PCDH15: variants seen among roughly 807,000 people sequenced by gnomAD.
The protein encoded by PCDH15 is protocadherin-15.
Under a neutral mutation model 178.5 loss-of-function variants are expected in PCDH15, and 129 were observed. The ratio of observed to expected loss-of-function variants is 0.72; its 90% CI spans 0.63 to 0.84. PCDH15 has a LOEUF of 0.84. Among genes scored for constraint, PCDH15 ranks in the 40% least tolerant of loss-of-function variants. The pLI, the probability that PCDH15 is intolerant of heterozygous loss-of-function variation, is 0.00. For synonymous variants in PCDH15, 800 were observed against 732.0 expected (o/e 1.09, Z -1.50); for missense variants, 2,230 against 2,099.9 (o/e 1.06, Z -1.21).
intron 1 of PCDH15, among the ~76,000 whole-genome samples, chr10:55,276,288 G>A (rs564686785): frequency 1.3e-5 from 2 of 150,078 alleles, no homozygotes; most frequent in African/African-American, 4.9e-5. Flanking sequence ...GATTTGTTTT[G>A]GATTATAAAG....
Position 53,806,759 on chromosome 10 carries a change from G to A in PCDH15, c.5043C>T (p.Asp1681=). 6.2e-7 allele frequency: 1 copy of A among 1,613,734 alleles called. No homozygotes were observed. Among genetic ancestry groups the A allele is most frequent in the Non-Finnish European group, 8.5e-7 (1 of 1,179,796 alleles). ...VTFAPCPVGT[D]NTAVKPLRNR... ...TCCTTAGTGGCTTCACCGCTGTATTGTCAGTCCCCACAGGGCAAGGGGCAA... is the reference window on the plus strand; with the variant it reads ...TCCTTAGTGGCTTCACCGCTGTATTATCAGTCCCCACAGGGCAAGGGGCAA... The change falls in exon 38 of 38, where the codon GAC becomes GAT. Residue 1681 remains aspartate, a synonymous_variant. Coordinates refer to ENST00000644397, the MANE Select transcript of PCDH15 (RefSeq NM_001384140.1).
chr10:54,655,448 T>G (rs970000577), intron 2 of PCDH15: 15 of 151,702 alleles, frequency 9.9e-5, no homozygotes, highest in Non-Finnish European at 2.1e-4. Flanking sequence ...TGTGTGTGTG[T>G]GTGTGTGTGT....
intron 2 of PCDH15, among the ~76,000 whole-genome samples, chr10:55,431,110 G>A (rs1251462192): frequency 6.6e-6 from 1 of 152,118 alleles, no homozygotes; most frequent in Non-Finnish European, 1.5e-5. Context: ...TCAATTTGGT[G>A]AGAATTCTAG....
chr10:54,180,872 C>G (rs774106313), intron 13 of PCDH15, among the ~76,000 whole-genome samples: 1 of 152,070 alleles, frequency 6.6e-6, no homozygotes, highest in Non-Finnish European at 1.5e-5. Flanking sequence ...CTGCATAGTT[C>G]AGGAAAATAT....
At chr10:53,842,178 G>T (rs1235538658) in intron 28 of PCDH15, among the ~76,000 whole-genome samples, 4 of 152,096 alleles carry the variant, frequency 2.6e-5, no homozygotes, top group Admixed American at 2.0e-4. Context: ...CAGATGTCTG[G>T]CTGGCTTCAA....
rs138546947 is a variant in PCDH15, at chr10:55,238,034, T to C, written c.-155-71383A>G. ...GAATTTAAATACACAACCTGCAGTG[T>C]GTTAAACTGATAAACACTTAAAAAT... On this transcript the variant is annotated intron_variant, in intron 1 of 5. Transcript: ENST00000458638. 1.8e-3 allele frequency among the ~76,000 whole-genome samples: 275 copies of C among 152,214 alleles called. 1 individual carries two copies. The highest frequency in any genetic ancestry group is 6.1e-3 in the African/African-American group (255 of 41,560).
chr10:54,904,883 T>TA lies in PCDH15; in HGVS notation c.-79-7384dup, dbSNP rs1013515918. 1.7e-4 allele frequency among the ~76,000 whole-genome samples: 22 copies of TA among 130,604 alleles called. 4 individuals are homozygous for TA. The highest frequency in any genetic ancestry group is 3.0e-4 in the Non-Finnish European group (17 of 56,680). 85.7% of individuals were successfully genotyped at this position (130,604 alleles called of 152,430 possible). A position where few individuals can be genotyped will look rare whatever the true frequency, so the allele number is the denominator to read the frequency against. The stretch of plus-strand genomic sequence containing the variant: ...AAAAGGGAAGAAGGTGGGTATAAAT[T>TA]AAAAAAAACAAAAAGGACAAAGATA... On this transcript the variant is annotated intron_variant, in intron 2 of 5. Coordinates refer to the PCDH15 transcript ENST00000458638.
intron 21 of PCDH15, among the ~76,000 whole-genome samples, chr10:53,988,147 C>G (rs1398916766): frequency 6.6e-6 from 1 of 152,182 alleles, no homozygotes; most frequent in Non-Finnish European, 1.5e-5. Context: ...TGCGGCAACT[C>G]AATACCTATC....
chr10:55,212,428 T>G (rs539825986), intron 1 of PCDH15, among the ~76,000 whole-genome samples: 1 of 152,134 alleles, frequency 6.6e-6, no homozygotes, highest in South Asian at 2.1e-4. Context: ...CTTCCACTCT[T>G]AACCTCCCTC....
intron 3 of PCDH15, among the ~76,000 whole-genome samples, chr10:54,824,700 C>G (rs1484859810): frequency 6.6e-6 from 1 of 152,038 alleles, no homozygotes; most frequent in Non-Finnish European, 1.5e-5. Context: ...TATTTGTTTC[C>G]ATGGAAGACA....
intron 1 of PCDH15, among the ~76,000 whole-genome samples, chr10:55,313,547 A>C (rs1338104327): frequency 1.3e-5 from 2 of 152,174 alleles, no homozygotes; most frequent in Non-Finnish European, 2.9e-5. Context: ...TTTAAAGTTG[A>C]CCCATTGCTT....
At chr10:54,990,860 A>G (rs1316827) in intron 2 of PCDH15, among the ~76,000 whole-genome samples, 55,476 of 151,920 alleles carry the variant, frequency 0.37, 12,322 homozygotes, top group African/African-American at 0.62. Flanking sequence ...GGATAATAAT[A>G]CTGTTTTAGT....
At chr10:54,135,202 C>CAA (rs11299964) in intron 14 of PCDH15, among the ~76,000 whole-genome samples, 2 of 118,108 alleles carry the variant, frequency 1.7e-5, no homozygotes, top group Admixed American at 9.2e-5. Context: ...GACTCTGTCT[C>CAA]AAAAAAAAAA....
intron 3 of PCDH15, among the ~76,000 whole-genome samples, chr10:54,894,247 G>T (rs907535300): frequency 1.3e-5 from 2 of 152,100 alleles, no homozygotes; most frequent in Non-Finnish European, 2.9e-5. Flanking sequence ...ATTGTTCAGT[G>T]CAATTAGAAG....
At chr10:54,730,727 C>A (rs1591331707) in intron 1 of PCDH15, among the ~76,000 whole-genome samples, 1 of 151,234 alleles carries the variant, frequency 6.6e-6, no homozygotes, top group Admixed American at 6.6e-5. Context: ...TGAAAATGGA[C>A]TCCTATTTCT....
chr10:54,859,131 T>A (rs1387113829), intron 3 of PCDH15, among the ~76,000 whole-genome samples: 1 of 152,114 alleles, frequency 6.6e-6, no homozygotes, highest in African/African-American at 2.4e-5. Context: ...CCACATTTGC[T>A]TTTTATGGCT....
At chr10:55,151,935 G>A (rs1409837720) in intron 2 of PCDH15, among the ~76,000 whole-genome samples, 1 of 151,938 alleles carries the variant, frequency 6.6e-6, no homozygotes, top group Non-Finnish European at 1.5e-5. Context: ...TAACAAGGAT[G>A]AGAGGTAAAT....
At chr10:54,271,887 T>C (rs1287763676) in intron 8 of PCDH15, among the ~76,000 whole-genome samples, 2 of 150,814 alleles carry the variant, frequency 1.3e-5, no homozygotes, top group Admixed American at 1.3e-4. Flanking sequence ...TAAAATACTT[T>C]GGTAAGTGCC....
chr10:55,125,014 C>T (rs932775536), intron 2 of PCDH15, among the ~76,000 whole-genome samples: 2 of 152,002 alleles, frequency 1.3e-5, no homozygotes, highest in Admixed American at 6.6e-5. Context: ...GACCTATTGG[C>T]TCTTAACAAC....
Sources: gnomAD v4.1 joint callset for allele counts (sites outside exome capture counted in the v4.1 genomes callset) on GRCh38, gnomAD v4.1.1 for gene constraint, MANE v1.5 for transcripts, NCBI Gene and HGNC (gene_info 2026-07-23, HGNC 2026-07-21) for gene names.